Variants in RIMS2 observed in about 807,000 individuals in gnomAD.
The protein encoded by RIMS2 is regulating synaptic membrane exocytosis protein 2.
Under a neutral mutation model 174.4 loss-of-function variants are expected in RIMS2, and 59 were observed. The ratio of observed to expected loss-of-function variants is 0.34; its 90% CI spans 0.27 to 0.42. RIMS2 has a LOEUF of 0.42. Ranked by LOEUF, RIMS2 falls within the 10% of genes least tolerant of loss-of-function variation. RIMS2 has a pLI of 1.00. For missense variants in RIMS2, 1,620 were observed against 1,666.3 expected (o/e 0.97, Z 0.48); for synonymous variants, 606 against 572.5 (o/e 1.06, Z -0.84).
Position 104,072,346 on chromosome 8 carries a change from T to A in RIMS2, c.3334+57731T>A, listed in dbSNP as rs978853100. Among the ~76,000 whole-genome samples the A allele has an allele frequency of 2.6e-4, 40 of 152,178 alleles. 2 individuals carry two copies. Among genetic ancestry groups the A allele is most frequent in the Non-Finnish European group, 1.5e-4 (10 of 68,026 alleles). On this transcript the variant is annotated intron_variant, in intron 19 of 23. Coordinates refer to ENST00000504942, the Ensembl canonical transcript of RIMS2. Reference sequence around the variant, plus strand: ...TTACATTCTTTACTTTTTATTTTGATAACAAATGCAAGTTATAGAGCCTCC... The same window carrying A: ...TTACATTCTTTACTTTTTATTTTGAAAACAAATGCAAGTTATAGAGCCTCC...
At chr8:103,721,242 G>A (rs1263300237) in intron 2 of RIMS2, among the ~76,000 whole-genome samples, 1 of 152,176 alleles carries the variant, frequency 6.6e-6, no homozygotes, top group African/African-American at 2.4e-5. Context: ...AAGCCGAGCA[G>A]ATGCCAGAAT....
chr8:103,922,265 T>C (rs2077820780), intron 10 of RIMS2, among the ~76,000 whole-genome samples: 1 of 151,938 alleles, frequency 6.6e-6, no homozygotes, highest in Non-Finnish European at 1.5e-5. Flanking sequence ...ACTTGAGATA[T>C]TTTTGTCAAT....
intron 2 of RIMS2, among the ~76,000 whole-genome samples, chr8:103,739,664 C>CT (rs2097735777): frequency 6.6e-6 from 1 of 152,166 alleles, no homozygotes; most frequent in African/African-American, 2.4e-5. Flanking sequence ...AGCTTTCTAA[C>CT]TTTTGATCCA....
chr8:103,792,937 T>A (rs2098514253), intron 3 of RIMS2, among the ~76,000 whole-genome samples: 1 of 152,130 alleles, frequency 6.6e-6, no homozygotes, highest in Non-Finnish European at 1.5e-5. Context: ...GAGGCAATAA[T>A]TAATAGCCTA....
chr8:104,172,210 G>A (rs1022599222), intron 19 of RIMS2, among the ~76,000 whole-genome samples: 6 of 152,164 alleles, frequency 3.9e-5, no homozygotes, highest in African/African-American at 1.4e-4. Context: ...GGTAGACAGA[G>A]GTCCCAGCCT....
At chr8:103,839,120 C>T (rs1469611018) in intron 3 of RIMS2, among the ~76,000 whole-genome samples, 1 of 152,134 alleles carries the variant, frequency 6.6e-6, no homozygotes, top group African/African-American at 2.4e-5. Flanking sequence ...CCTACTTTAT[C>T]CACTTTTCCA....
chr8:103,748,001 G>C (rs1442772070), intron 2 of RIMS2, among the ~76,000 whole-genome samples: 1 of 152,120 alleles, frequency 6.6e-6, no homozygotes, highest in African/African-American at 2.4e-5. Flanking sequence ...GACTATACCT[G>C]ATAAGTGATG....
chr8:104,000,870 T>A (rs757803009), intron 17 of RIMS2, among the ~76,000 whole-genome samples: 1 of 151,962 alleles, frequency 6.6e-6, no homozygotes, highest in African/African-American at 2.4e-5. Flanking sequence ...TTGAGAAATG[T>A]CTATTCAAAT....
At chr8:103,933,106 C>G (rs1166676568) in intron 12 of RIMS2, among the ~76,000 whole-genome samples, 1 of 152,112 alleles carries the variant, frequency 6.6e-6, no homozygotes, top group Non-Finnish European at 1.5e-5. Flanking sequence ...TCCTGGCTAA[C>G]AAGGTGAAAC....
intron 19 of RIMS2, among the ~76,000 whole-genome samples, chr8:104,175,575 C>A (rs2098882343): frequency 6.6e-6 from 1 of 152,152 alleles, no homozygotes; most frequent in Non-Finnish European, 1.5e-5. Flanking sequence ...ACTGTCCCCA[C>A]TTCCCTTTTC....
Position 103,780,445 on chromosome 8 carries a change from C to G in RIMS2, c.698+13908C>G, listed in dbSNP as rs188987217. Reference sequence around the variant, plus strand: ...CTTCATATTTTTCATTGTTTTTCTTCTTTCTCCTCTGATCGTATTTTCAAA... The same window carrying G: ...CTTCATATTTTTCATTGTTTTTCTTGTTTCTCCTCTGATCGTATTTTCAAA... On this transcript the variant is annotated intron_variant, in intron 3 of 23. Coordinates refer to ENST00000504942, the Ensembl canonical transcript of RIMS2. Among the ~76,000 whole-genome samples the G allele has an allele frequency of 3.5e-3, 539 of 151,974 alleles. 1 individual carries two copies. The highest frequency in any genetic ancestry group is 5.2e-3 in the Non-Finnish European group (351 of 67,958).
intron 19 of RIMS2, among the ~76,000 whole-genome samples, chr8:104,029,133 T>C (rs912191159): frequency 2.0e-5 from 3 of 152,176 alleles, no homozygotes; most frequent in Non-Finnish European, 2.9e-5. Flanking sequence ...GTAAGTGCCT[T>C]TTAGCATGCT....
intron 16 of RIMS2, among the ~76,000 whole-genome samples, chr8:103,982,491 CAA>C (rs563538593): frequency 1.3e-4 from 16 of 127,912 alleles, no homozygotes; most frequent in African/African-American, 1.4e-4. Flanking sequence ...TGCAGAAATC[CAA>C]AAAAAAAAAA....
chr8:103,702,606 C>G (rs1057388994), intron 2 of RIMS2, among the ~76,000 whole-genome samples: 1 of 152,068 alleles, frequency 6.6e-6, no homozygotes, highest in African/African-American at 2.4e-5. Context: ...TGACAGAGTT[C>G]TAGTTTCATT....
chr8:104,239,749 C>A (rs930445425), intron 19 of RIMS2, among the ~76,000 whole-genome samples: 4 of 152,128 alleles, frequency 2.6e-5, no homozygotes, highest in Non-Finnish European at 5.9e-5. Context: ...ACAATTATCA[C>A]AAATTTAACA....
intron 19 of RIMS2, among the ~76,000 whole-genome samples, chr8:104,168,345 C>T (rs1422460455): frequency 2.0e-5 from 3 of 151,758 alleles, no homozygotes; most frequent in South Asian, 2.1e-4. Flanking sequence ...TTTTCAGGAG[C>T]GTTTTGTAGT....
At chr8:104,148,886 G>A (rs1431749929) in intron 19 of RIMS2, 38 bp downstream of exon 25, 1 of 1,579,066 alleles carries the variant, frequency 6.3e-7, no homozygotes, top group South Asian at 1.1e-5. Context: ...TGATATTTGA[G>A]TTGTCATTAC....
chr8:103,583,438 C>T (rs1240647475), intron 1 of RIMS2, among the ~76,000 whole-genome samples: 3 of 151,972 alleles, frequency 2.0e-5, no homozygotes, highest in African/African-American at 7.3e-5. Flanking sequence ...ACCAAGTGAA[C>T]TAAATAAGGC....
intron 1 of RIMS2, among the ~76,000 whole-genome samples, chr8:103,685,461 A>G (rs957737816): frequency 6.6e-6 from 1 of 152,112 alleles, no homozygotes; most frequent in African/African-American, 2.4e-5. Context: ...CATGACCCAG[A>G]CACCTCCCAC....
Sources: allele counts gnomAD v4.1 joint callset (sites outside exome capture counted in the v4.1 genomes callset), GRCh38; gene constraint gnomAD v4.1.1; transcripts MANE v1.5; gene names NCBI Gene and HGNC (gene_info 2026-07-23, HGNC 2026-07-21).